The following ROBO1 variants were observed in gnomAD, a reference collection of about 807,000 sequenced individuals.
ROBO1 encodes roundabout homolog 1.
A neutral mutation model predicts 195.9 loss-of-function variants in ROBO1; 149 were observed. The ratio of observed to expected loss-of-function variants is 0.76; its 90% CI spans 0.67 to 0.87. The LOEUF (loss-of-function observed/expected upper bound fraction) is 0.87. ROBO1 is among the 40% of genes least tolerant of loss of function. ROBO1 has a pLI of 0.00. For synonymous variants in ROBO1, 816 were observed against 733.2 expected, an observed-to-expected ratio of 1.11 and a Z score of -1.82; for missense variants, 1,933 against 2,068.3, an observed-to-expected ratio of 0.93 and a Z score of 1.27.
intron 1 of ROBO1, among the ~76,000 whole-genome samples, chr3:79,712,065 C>T (rs1702299950): frequency 6.6e-6 from 1 of 152,032 alleles, no homozygotes; most frequent in African/African-American, 2.4e-5. Context: ...CTCCCTATTC[C>T]CTGACACACA....
intron 1 of ROBO1, among the ~76,000 whole-genome samples, chr3:79,764,104 GA>G (rs1449121946): frequency 6.6e-6 from 1 of 152,132 alleles, no homozygotes; most frequent in African/African-American, 2.4e-5. Context: ...ATGTGTTGTA[GA>G]CATCTAATAA....
intron 21 of ROBO1, 144 bp downstream of exon 21, chr3:78,646,004 T>C (rs2107593192): frequency 2.9e-6 from 2 of 694,664 alleles, no homozygotes; most frequent in South Asian, 1.9e-5. Flanking sequence ...TTCAACAGCA[T>C]AGCTGAATGG....
chr3:79,557,737 A>ATATAT (rs1160992493), intron 2 of ROBO1, among the ~76,000 whole-genome samples: 10 of 139,942 alleles, frequency 7.1e-5, no homozygotes, highest in African/African-American at 8.1e-5. Context: ...TCTTAAAACA[A>ATATAT]AAAAAAATAT....
chr3:79,436,329 CTGTACCA>C (rs2038887746), intron 2 of ROBO1, among the ~76,000 whole-genome samples: 1 of 149,694 alleles, frequency 6.7e-6, no homozygotes, highest in Admixed American at 6.9e-5. Flanking sequence ...GCCGGCCAAT[CTGTACCA>C]TGTTTGATTT....
intron 2 of ROBO1, among the ~76,000 whole-genome samples, chr3:79,462,364 C>T (rs1194527063): frequency 2.0e-5 from 3 of 152,108 alleles, no homozygotes; most frequent in African/African-American, 4.8e-5. Flanking sequence ...AAAATGGAAA[C>T]GACACACTTT....
intron 2 of ROBO1, among the ~76,000 whole-genome samples, chr3:79,213,246 GA>G (rs111700443): frequency 8.2e-4 from 116 of 142,024 alleles, no homozygotes; most frequent in Middle Eastern, 3.6e-3. Context: ...CTCCGTCTTG[GA>G]AAAAAAAAAA....
At chr3:78,719,253 T>C (rs79924966) in intron 5 of ROBO1, among the ~76,000 whole-genome samples, 1 of 152,138 alleles carries the variant, frequency 6.6e-6, no homozygotes, top group African/African-American at 2.4e-5. Flanking sequence ...CCAAATACTG[T>C]TGTTGAACGT....
chr3:79,603,654 A>G (rs1944402812), intron 1 of ROBO1, among the ~76,000 whole-genome samples: 1 of 152,026 alleles, frequency 6.6e-6, no homozygotes, highest in African/African-American at 2.4e-5. Flanking sequence ...GATTGGTCTA[A>G]TGCTCAGACC....
chr3:79,066,676 T>G (rs1220202861), intron 3 of ROBO1, among the ~76,000 whole-genome samples: 10 of 151,940 alleles, frequency 6.6e-5, no homozygotes, highest in Non-Finnish European at 1.5e-4. Flanking sequence ...TTACCATTCT[T>G]TCTCTCTTTG....
rs1203545425 is a variant in ROBO1, at chr3:78,788,439, TTAAAAAAAAAAAAAAA to T, written c.500-41555_500-41540del. Among the ~76,000 whole-genome samples the T allele has an allele frequency of 5.4e-3, 598 of 110,406 alleles. 5 individuals are homozygous for T. Among genetic ancestry groups the T allele is most frequent in the African/African-American group, 0.018 (524 of 28,874 alleles). 72.4% of individuals were successfully genotyped at this position (110,406 alleles called of 152,430 possible). ...AGCCTCTCTTTTCTTTTTTTTTTTTTTAAAAAAAAAAAAAAAAAAAAAAGATTCCACTTAGGACCTA... is the reference window on the plus strand; with the variant it reads ...AGCCTCTCTTTTCTTTTTTTTTTTTTAAAAAAAGATTCCACTTAGGACCTA... On this transcript the variant is annotated intron_variant, in intron 4 of 30. Transcript: ENST00000464233.
At chr3:79,631,652 A>C (rs184019904) in intron 1 of ROBO1, among the ~76,000 whole-genome samples, 1 of 152,194 alleles carries the variant, frequency 6.6e-6, no homozygotes, top group Non-Finnish European at 1.5e-5. Context: ...AATTACTCTA[A>C]AAAGCTTCTT....
chr3:79,651,698 G>A (rs1429399081), intron 1 of ROBO1, among the ~76,000 whole-genome samples: 7 of 152,060 alleles, frequency 4.6e-5, no homozygotes, highest in Non-Finnish European at 1.0e-4. Context: ...GCGTTCATGG[G>A]TGAAATGGAC....
intron 3 of ROBO1, among the ~76,000 whole-genome samples, chr3:79,054,835 A>G (rs111960974): frequency 5.9e-5 from 9 of 152,224 alleles, no homozygotes; most frequent in African/African-American, 2.2e-4. Context: ...CCAGGCCCCA[A>G]TATCAAACGG....
chr3:79,552,138 A>AGTGTTACC (rs1282110077), intron 2 of ROBO1, among the ~76,000 whole-genome samples: 1 of 151,816 alleles, frequency 6.6e-6, no homozygotes, highest in Non-Finnish European at 1.5e-5. Flanking sequence ...GTTATTAGAC[A>AGTGTTACC]GTGTTACCCA....
Position 78,729,253 on chromosome 3 carries a change from T to C in ROBO1, c.658-11370A>G, listed in dbSNP as rs532833374. On this transcript the variant is annotated intron_variant, in intron 5 of 30. Coordinates refer to ENST00000464233, the MANE Select transcript of ROBO1 (RefSeq NM_002941.4). Reference sequence around the variant, plus strand: ...ACATCAGGAAGAGCTGTGTTGCTAATTGCACGTAAGTGGGAGCCACCCTGC... The same window carrying C: ...ACATCAGGAAGAGCTGTGTTGCTAACTGCACGTAAGTGGGAGCCACCCTGC... Among the ~76,000 whole-genome samples, 39 of 152,338 alleles carry C rather than the reference T, an allele frequency of 2.6e-4. 1 individual carries two copies. The highest frequency in any genetic ancestry group is 2.4e-3 in the Admixed American group (36 of 15,304).
chr3:79,541,306 C>T (rs1942056010), intron 2 of ROBO1, among the ~76,000 whole-genome samples: 1 of 151,950 alleles, frequency 6.6e-6, no homozygotes, highest in Admixed American at 6.6e-5. Flanking sequence ...CAATTCATGC[C>T]ACTGATTTGA....
intron 3 of ROBO1, among the ~76,000 whole-genome samples, chr3:79,004,922 G>A (rs1228614977): frequency 2.6e-5 from 4 of 152,072 alleles, no homozygotes; most frequent in Non-Finnish European, 4.4e-5. Context: ...ATAGAGTTAC[G>A]GTCCCAGGGA....
At chr3:78,657,029 T>C in intron 18 of ROBO1, 69 bp downstream of exon 18, 2 of 1,442,618 alleles carry the variant, frequency 1.4e-6, no homozygotes, top group Non-Finnish European at 1.8e-6. Flanking sequence ...CTCAGCCACA[T>C]GCAAAAAAGC....
intron 2 of ROBO1, among the ~76,000 whole-genome samples, chr3:79,469,658 C>A (rs1575869406): frequency 6.6e-6 from 1 of 152,190 alleles, no homozygotes; most frequent in South Asian, 2.1e-4. Flanking sequence ...GAAAATAATT[C>A]CACATGACTT....
Sources: gnomAD v4.1 joint callset for allele counts (sites outside exome capture counted in the v4.1 genomes callset) on GRCh38, gnomAD v4.1.1 for gene constraint, MANE v1.5 for transcripts, NCBI Gene and HGNC (gene_info 2026-07-23, HGNC 2026-07-21) for gene names.